RBFOX1: variants seen among roughly 807,000 people sequenced by gnomAD.
RBFOX1 encodes the protein RNA binding protein fox-1 homolog 1.
In RBFOX1, 8 loss-of-function variants were observed where a neutral mutation model predicts 57.7. That is an observed-to-expected ratio of 0.14 (90% CI 0.08 to 0.25). RBFOX1 has a LOEUF of 0.25. Ranked by LOEUF, RBFOX1 falls within the 10% of genes least tolerant of loss-of-function variation. The pLI, the probability that RBFOX1 is intolerant of heterozygous loss-of-function variation, is 1.00. For missense variants in RBFOX1, 611 were observed against 548.5 expected (o/e 1.11, Z -1.14); for synonymous variants, 326 against 222.4 (o/e 1.47, Z -4.15).
intron 4 of RBFOX1, among the ~76,000 whole-genome samples, chr16:7,377,452 A>G (rs1378101507): frequency 4.6e-5 from 7 of 152,244 alleles, no homozygotes; most frequent in African/African-American, 1.4e-4. Flanking sequence ...TCATTAAGAT[A>G]TATTCAATAT....
chr16:5,679,149 A>T (rs2050254422), intron 3 of RBFOX1, among the ~76,000 whole-genome samples: 1 of 152,194 alleles, frequency 6.6e-6, no homozygotes. Flanking sequence ...CAGGCAGAGT[A>T]CCCTGGAAAG....
chr16:6,571,958 T>C (rs1025609121), intron 2 of RBFOX1, among the ~76,000 whole-genome samples: 1 of 152,236 alleles, frequency 6.6e-6, no homozygotes, highest in Non-Finnish European at 1.5e-5. Flanking sequence ...ACAGTTGTAC[T>C]CCTTGCCTGT....
chr16:6,622,049 G>C (rs1321360965), intron 2 of RBFOX1, among the ~76,000 whole-genome samples: 1 of 152,160 alleles, frequency 6.6e-6, no homozygotes, highest in East Asian at 1.9e-4. Context: ...TGATGTGTTG[G>C]TTTGAGTTGG....
intron 3 of RBFOX1, among the ~76,000 whole-genome samples, chr16:7,016,538 A>G (rs2093923736): frequency 6.6e-6 from 1 of 152,150 alleles, no homozygotes; most frequent in Non-Finnish European, 1.5e-5. Flanking sequence ...TGTGCCAAGC[A>G]TTGCACACAG....
intron 3 of RBFOX1, among the ~76,000 whole-genome samples, chr16:6,859,694 C>T (rs1011094561): frequency 1.3e-5 from 2 of 152,224 alleles, no homozygotes; most frequent in Middle Eastern, 3.4e-3. Context: ...ATTTTTTAAT[C>T]GACTACGGTA....
intron 3 of RBFOX1, among the ~76,000 whole-genome samples, chr16:5,713,002 T>C (rs1214109450): frequency 1.3e-5 from 2 of 152,150 alleles, no homozygotes; most frequent in Admixed American, 1.3e-4. Flanking sequence ...TGGTGGTTAA[T>C]TTGAGAATAG....
At chr16:6,395,292 C>G (rs1013614) in intron 2 of RBFOX1, among the ~76,000 whole-genome samples, 1 of 151,990 alleles carries the variant, frequency 6.6e-6, no homozygotes, top group African/African-American at 2.4e-5. Context: ...CCAACAAAGT[C>G]AGATTTCAAA....
At chr16:6,264,861 C>G (rs10500340) in intron 1 of RBFOX1, among the ~76,000 whole-genome samples, 2,546 of 152,270 alleles carry the variant, frequency 0.017, 31 homozygotes, top group Middle Eastern at 0.031. Flanking sequence ...TTGATTACCT[C>G]TGAGTCCATG....
At chr16:6,063,507 C>CACACACACACACACACACA (rs1555493205) in intron 1 of RBFOX1, among the ~76,000 whole-genome samples, 2 of 47,128 alleles carry the variant, frequency 4.2e-5, no homozygotes, top group African/African-American at 1.1e-4. Context: ...ACACACACAC[C>CACACACACACACACACACA]CCCTTATATT....
At chr16:6,932,584 C>T (rs915422148) in intron 3 of RBFOX1, among the ~76,000 whole-genome samples, 6 of 152,132 alleles carry the variant, frequency 3.9e-5, no homozygotes, top group Non-Finnish European at 5.9e-5. Flanking sequence ...GGTCGTAGGC[C>T]TCACTTCCTC....
chr16:7,613,104 A>C (rs2057832731), intron 10 of RBFOX1, among the ~76,000 whole-genome samples: 1 of 152,210 alleles, frequency 6.6e-6, no homozygotes, highest in African/African-American at 2.4e-5. Context: ...ACATACAATT[A>C]AAGTAAAAAT....
At chr16:7,606,897 C>A (rs910284165) in intron 9 of RBFOX1, among the ~76,000 whole-genome samples, 2 of 152,048 alleles carry the variant, frequency 1.3e-5, no homozygotes, top group Non-Finnish European at 2.9e-5. Context: ...TGCAAGCTTT[C>A]TAATTTTTGT....
At chr16:7,373,394 C>A (rs2097610464) in intron 4 of RBFOX1, among the ~76,000 whole-genome samples, 1 of 152,088 alleles carries the variant, frequency 6.6e-6, no homozygotes, top group Admixed American at 6.5e-5. Context: ...CACAGTGATC[C>A]TGAGATGGGA....
chr16:6,517,276 G>C (rs757299958), intron 2 of RBFOX1, among the ~76,000 whole-genome samples: 1 of 152,138 alleles, frequency 6.6e-6, no homozygotes, highest in Non-Finnish European at 1.5e-5. Context: ...TGCATATTCA[G>C]TTTGCTCTAA....
chr16:6,639,724 A>G (rs2098471866), intron 2 of RBFOX1, among the ~76,000 whole-genome samples: 1 of 151,880 alleles, frequency 6.6e-6, no homozygotes, highest in African/African-American at 2.4e-5. Flanking sequence ...AAAATACAAA[A>G]CCAAATTAGT....
At chr16:5,242,077 GCAC>G (rs2062182302) in intron 1 of RBFOX1, among the ~76,000 whole-genome samples, 1 of 152,082 alleles carries the variant, frequency 6.6e-6, no homozygotes, top group Admixed American at 6.6e-5. Flanking sequence ...TCATGCCACT[GCAC>G]TCCAGTCTAG....
chr16:6,922,438 G>C (rs1190432685), intron 3 of RBFOX1, among the ~76,000 whole-genome samples: 1 of 152,130 alleles, frequency 6.6e-6, no homozygotes, highest in South Asian at 2.1e-4. Flanking sequence ...AGCACTTCCA[G>C]GCTGTCTTGC....
chr16:6,363,609 C>G lies in RBFOX1; in HGVS notation c.-64+46552C>G, dbSNP rs529452049. ...AGTGTCACATTTTTGAAGGGAACAGCAGTGACAGCACAACAACAGACAGTT... is the reference window on the plus strand; with the variant it reads ...AGTGTCACATTTTTGAAGGGAACAGGAGTGACAGCACAACAACAGACAGTT... On this transcript the variant is annotated intron_variant, in intron 2 of 15. Transcript: ENST00000550418. Among the ~76,000 whole-genome samples, 5 of 152,308 alleles carry G rather than the reference C, an allele frequency of 3.3e-5. No individual in the cohort carries two copies. In the East Asian group the frequency reaches 7.7e-4, roughly 23 times the overall value.
rs2042688682 is a variant in RBFOX1, at chr16:7,031,148, G to A, written c.-15-20909G>A. ...ACTGCAGGTATGCTGCAGGATAGTG[G>A]CTACAGCTTTGCATGTAGAGAGTCA... On this transcript the variant is annotated intron_variant, in intron 3 of 15. Transcript: ENST00000550418. 3.3e-5 allele frequency among the ~76,000 whole-genome samples: 5 copies of A among 152,132 alleles called. No homozygotes were observed. The South Asian group carries it at 1.0e-3, about 32-fold the overall frequency.
Sources: gnomAD v4.1 joint callset for allele counts (sites outside exome capture counted in the v4.1 genomes callset) on GRCh38, gnomAD v4.1.1 for gene constraint, MANE v1.5 for transcripts, NCBI Gene and HGNC (gene_info 2026-07-23, HGNC 2026-07-21) for gene names.